Variants in FAM167A observed in about 807,000 individuals in gnomAD.
FAM167A encodes the protein family with sequence similarity 167 member A, also known as protein FAM167A.
FAM167A carries 23 observed loss-of-function variants against 14.9 expected under a neutral mutation model. The ratio of observed to expected loss-of-function variants is 1.55; its 90% CI spans 1.11 to 2.19. FAM167A has a LOEUF of 2.19. FAM167A is among the 30% of genes most tolerant of loss of function. The probability of loss-of-function intolerance (pLI) is 0.00; values close to 1 mark genes in which losing one functional copy is unlikely to be tolerated. For synonymous variants in FAM167A, 174 were observed against 117.7 expected (o/e 1.48, Z -3.10); for missense variants, 401 against 281.5 (o/e 1.42, Z -3.04).
chr8:11,432,751 GAC>G (rs947758038), intron 2 of FAM167A, among the ~76,000 whole-genome samples: 10 of 152,190 alleles, frequency 6.6e-5, no homozygotes, highest in African/African-American at 2.4e-4. Flanking sequence ...CTATGATAAA[GAC>G]ACATGCACAC....
chr8:11,457,982 A>T (rs1452721262), intron 1 of FAM167A, among the ~76,000 whole-genome samples: 2 of 152,218 alleles, frequency 1.3e-5, no homozygotes, highest in Non-Finnish European at 2.9e-5. Flanking sequence ...AGGGCCCTGT[A>T]AACAGCAGAT....
Position 11,427,540 on chromosome 8 carries a change from C to G in FAM167A, c.382-2904G>C, listed in dbSNP as rs74872561. On this transcript the variant is annotated intron_variant, in intron 2 of 2. Transcript: ENST00000284486. ...TTAGAAAAATGAGCCCTGAGATGCC[C>G]TGTAGTTATGCAAATGAAGGCAGTG... 7.0e-3 allele frequency among the ~76,000 whole-genome samples: 1,070 copies of G among 152,286 alleles called. 8 individuals carry two copies. Among genetic ancestry groups the G allele is most frequent in the Admixed American group, 0.012 (187 of 15,290 alleles).
intron 2 of FAM167A, among the ~76,000 whole-genome samples, chr8:11,429,787 C>G (rs1227006394): frequency 6.6e-6 from 1 of 152,216 alleles, no homozygotes; most frequent in Non-Finnish European, 1.5e-5. Flanking sequence ...AGCTCCACTC[C>G]TCACTCGTTG....
intron 1 of FAM167A, among the ~76,000 whole-genome samples, chr8:11,462,895 T>G (rs574144353): frequency 3.9e-5 from 6 of 152,172 alleles, no homozygotes; most frequent in African/African-American, 7.2e-5. Context: ...GCGTTCTCAT[T>G]GGTAAAGACA....
chr8:11,438,255 C>A, intron 2 of FAM167A: 1 of 407,062 alleles, frequency 2.5e-6, no homozygotes, highest in Non-Finnish European at 4.9e-6. Context: ...TCTCCTTGAC[C>A]CTGCAAGACA....
intron 1 of FAM167A, among the ~76,000 whole-genome samples, chr8:11,474,392 A>G (rs975656895): frequency 1.3e-5 from 2 of 152,216 alleles, no homozygotes; most frequent in Non-Finnish European, 2.9e-5. Flanking sequence ...AGGACGGCGC[A>G]TGGAACAGAC....
At chr8:11,459,662 G>A (rs375240825) in intron 1 of FAM167A, among the ~76,000 whole-genome samples, 3 of 152,204 alleles carry the variant, frequency 2.0e-5, no homozygotes, top group East Asian at 3.8e-4. Context: ...AACCTGTGAC[G>A]CTGGACAAGT....
chr8:11,472,240 C>G (rs749410900), upstream of FAM167A, among the ~76,000 whole-genome samples: 3 of 152,172 alleles, frequency 2.0e-5, no homozygotes, highest in South Asian at 2.1e-4. Context: ...GATCACCTCC[C>G]GTATCCTGCC....
chr8:11,470,441 G>T (rs1180301743), upstream of FAM167A, among the ~76,000 whole-genome samples: 2 of 152,206 alleles, frequency 1.3e-5, no homozygotes, highest in Non-Finnish European at 2.9e-5. Flanking sequence ...AGCATGGGTG[G>T]GAGATGACAT....
intron 1 of FAM167A, among the ~76,000 whole-genome samples, chr8:11,455,667 T>TGA (rs2117126640): frequency 7.8e-6 from 1 of 128,102 alleles, no homozygotes; most frequent in Admixed American, 7.9e-5. Flanking sequence ...TGCCTTGCTG[T>TGA]GTGTGAATGT....
chr8:11,453,474 A>G (rs1041489256), intron 1 of FAM167A, among the ~76,000 whole-genome samples: 7 of 152,210 alleles, frequency 4.6e-5, no homozygotes, highest in South Asian at 4.1e-4. Context: ...TTGTCCCATT[A>G]CACAGATGAA....
chr8:11,445,392 G>C (rs1806722075), intron 1 of FAM167A: 2 of 985,586 alleles, frequency 2.0e-6, no homozygotes, highest in African/African-American at 3.5e-5. Context: ...TACGCTCCTA[G>C]CTTCTTCCTC....
upstream of FAM167A, among the ~76,000 whole-genome samples, chr8:11,469,925 A>C (rs1036136253): frequency 6.9e-6 from 1 of 145,588 alleles, no homozygotes; most frequent in Non-Finnish European, 1.5e-5. Flanking sequence ...AATAAATAAA[A>C]GATTTAAACT....
intron 2 of FAM167A, among the ~76,000 whole-genome samples, chr8:11,436,492 T>TG (rs1410139229): frequency 6.6e-6 from 1 of 152,170 alleles, no homozygotes; most frequent in African/African-American, 2.4e-5. Flanking sequence ...GCCATGCTGC[T>TG]GGGGGTCTCT....
At chr8:11,463,314 C>T (rs922230068) in intron 1 of FAM167A, among the ~76,000 whole-genome samples, 2 of 152,178 alleles carry the variant, frequency 1.3e-5, no homozygotes, top group South Asian at 2.1e-4. Flanking sequence ...GGGCGAAGTG[C>T]GTGGAGCTGA....
At chr8:11,428,997 A>C (rs982862521) in intron 2 of FAM167A, among the ~76,000 whole-genome samples, 2 of 152,188 alleles carry the variant, frequency 1.3e-5, no homozygotes, top group African/African-American at 4.8e-5. Flanking sequence ...TATCATCTTA[A>C]CCATTTTTAA....
At chr8:11,460,609 A>G (rs1235134774) in intron 1 of FAM167A, among the ~76,000 whole-genome samples, 2 of 152,234 alleles carry the variant, frequency 1.3e-5, no homozygotes, top group Non-Finnish European at 2.9e-5. Context: ...ACCTGGTGCA[A>G]CAAGAGCAAC....
chr8:11,446,394 C>T (rs555163566), intron 1 of FAM167A: 8 of 151,532 alleles, frequency 5.3e-5, no homozygotes, highest in East Asian at 1.9e-4. Context: ...CAGAGAAACC[C>T]GCTGTCACCT....
chr8:11,444,749 G>GACT lies in FAM167A; in HGVS notation c.-341_-339dup, dbSNP rs1169221789. 3.8e-6 allele frequency: 4 copies of GACT among 1,047,370 alleles called. No individual in the cohort carries two copies. The African/African-American group carries it at 5.0e-5, about 13-fold the overall frequency. The allele number at this position is 1,047,370 out of a possible 1,614,324, so 64.9% of individuals were successfully genotyped here. On this transcript the variant is annotated 5_prime_UTR_variant, in exon 2 of 3. Coordinates refer to ENST00000284486, the MANE Select transcript of FAM167A (RefSeq NM_053279.3). ...CTGTCCTGAACGCACTCGAAGACCA[G>GACT]ACTGGCAGGAAGAAGGCCCAGAGCT... is the stretch of plus-strand genomic sequence containing the variant.
Sources: allele counts gnomAD v4.1 joint callset (sites outside exome capture counted in the v4.1 genomes callset), GRCh38; gene constraint gnomAD v4.1.1; transcripts MANE v1.5; gene names NCBI Gene and HGNC (gene_info 2026-07-23, HGNC 2026-07-21).